Variants in ZNF875 observed in about 807,000 individuals in gnomAD.
ZNF875 encodes the protein HKR1, GLI-Kruppel zinc finger family member.
ZNF875 carries 14 observed loss-of-function variants against 11.2 expected under a neutral mutation model. The observed-to-expected ratio is 1.26, with a 90% CI of 0.83 to 1.96. ZNF875 has a LOEUF of 1.96. ZNF875 is among the 30% of genes most tolerant of loss of function. ZNF875 has a pLI of 0.00. For missense variants in ZNF875, 752 were observed against 760.4 expected (o/e 0.99, Z 0.13); for synonymous variants, 301 against 281.1 (o/e 1.07, Z -0.71).
intron 4 of ZNF875, among the ~76,000 whole-genome samples, chr19:37,326,395 G>A (rs1448938446): frequency 1.3e-5 from 2 of 152,048 alleles, no homozygotes; most frequent in Non-Finnish European, 2.9e-5. Context: ...CCTGTCTCTT[G>A]TAATCCTTTA....
chr19:37,362,266 T>A lies in ZNF875; in HGVS notation c.414T>A (p.Asp138Glu). Reference protein sequence around the residue: ...PLHLGKHYPEDQKQQQDPFCF... With the variant: ...PLHLGKHYPEEQKQQQDPFCF... The stretch of plus-strand genomic sequence containing the variant: ...ACCTGGGAAAACACTATCCAGAAGA[T>A]CAGAAACAACAGCAGGATCCATTCT... Residue 138 changes from aspartate to glutamate, a missense_variant, in exon 5 of 5, where the codon GAT (aspartate) becomes GAA (glutamate). Asp to Glu is a conservative substitution (Grantham distance 45). Coordinates refer to ENST00000392153, the MANE Select transcript of ZNF875 (RefSeq NM_001353803.2). The A allele has an allele frequency of 6.2e-7, 1 of 1,614,028 alleles. No homozygotes were observed. Among genetic ancestry groups the A allele is most frequent in the Admixed American group, 1.7e-5 (1 of 60,006 alleles).
chr19:37,327,061 G>A (rs1169053928), intron 4 of ZNF875, among the ~76,000 whole-genome samples: 7 of 150,906 alleles, frequency 4.6e-5, no homozygotes, highest in African/African-American at 1.2e-4. Context: ...GGCAGGTCTC[G>A]GATCCCTGCA....
At chr19:37,356,868 G>A (rs2039000605) in intron 4 of ZNF875, among the ~76,000 whole-genome samples, 1 of 152,068 alleles carries the variant, frequency 6.6e-6, no homozygotes, top group South Asian at 2.1e-4. Flanking sequence ...TGTTGCAATC[G>A]CTTTTGAGGA....
chr19:37,347,189 G>A lies in ZNF875; in HGVS notation c.34-1G>A. ...GAGCAGAGGTGTGTTTTGTGTTAAA[G>A]GCGTTCGTGGCATTCAGGGATGTGG... On this transcript the variant is annotated splice_acceptor_variant, in intron 2 of 4. Coordinates refer to ENST00000392153, the MANE Select transcript of ZNF875 (RefSeq NM_001353803.2). LOFTEE classifies it high-confidence loss of function. The A allele has an allele frequency of 6.2e-7, 1 of 1,614,032 alleles. No homozygotes were observed. The highest frequency in any genetic ancestry group is 8.5e-7 in the Non-Finnish European group (1 of 1,179,966).
intron 4 of ZNF875, among the ~76,000 whole-genome samples, chr19:37,354,053 CTCA>C (rs1319002144): frequency 1.3e-5 from 2 of 151,908 alleles, no homozygotes; most frequent in Non-Finnish European, 2.9e-5. Context: ...TTCATATTGT[CTCA>C]TAAGCTTCTG....
In ZNF875 at chr19:37,363,785, G is replaced by A. The variant is rs772598329; in HGVS notation, c.*10G>A. 1.2e-6 allele frequency: 2 copies of A among 1,607,218 alleles called. No homozygotes were observed. Among genetic ancestry groups the A allele is most frequent in the East Asian group, 2.2e-5 (1 of 44,836 alleles). ...GACACACTCAGGATAGAAACTTTAT[G>A]TGTATAGGGAATGTGGTACAGCCTT... On this transcript the variant is annotated 3_prime_UTR_variant, in exon 5 of 5. Coordinates refer to ENST00000392153, the MANE Select transcript of ZNF875 (RefSeq NM_001353803.2).
chr19:37,346,939 C>T, intron 2 of ZNF875: 1 of 380,612 alleles, frequency 2.6e-6, no homozygotes, highest in East Asian at 6.5e-5. Context: ...TCTCGGCTTA[C>T]CGCAAGTAAC....
intron 2 of ZNF875, among the ~76,000 whole-genome samples, chr19:37,342,505 C>T (rs1434792445): frequency 1.3e-5 from 2 of 151,780 alleles, no homozygotes; most frequent in East Asian, 3.9e-4. Context: ...CTCCACCTCC[C>T]AGGTTCAAGC....
intron 2 of ZNF875, among the ~76,000 whole-genome samples, chr19:37,343,800 A>G (rs2036245184): frequency 6.6e-6 from 1 of 152,158 alleles, no homozygotes; most frequent in African/African-American, 2.4e-5. Flanking sequence ...ACAGGGAGGC[A>G]TGATTCACTG....
At chr19:37,351,485 T>C (rs1030535824) in intron 4 of ZNF875, among the ~76,000 whole-genome samples, 1 of 150,280 alleles carries the variant, frequency 6.7e-6, no homozygotes, top group Non-Finnish European at 1.5e-5. Context: ...TAATTTCCTC[T>C]TCTTCTTACT....
At chr19:37,313,217 A>ACAACAG (rs2030037477), upstream of ZNF875, 1 of 144,828 alleles carries the variant, frequency 6.9e-6, no homozygotes, top group Non-Finnish European at 1.5e-5. Flanking sequence ...CCCCCGCGAA[A>ACAACAG]CAACAACAAC....
At position 37,363,513 on chromosome 19, in the gene ZNF875, G is replaced by T; in HGVS notation, c.1661G>T (p.Arg554Met). The change falls in exon 5 of 5, where the codon AGG becomes ATG. Residue 554 changes from arginine (R) to methionine (M), a missense_variant. Coordinates refer to ENST00000392153, the MANE Select transcript of ZNF875 (RefSeq NM_001353803.2). ...RQKPNLFRHKRAHSGAFVCRE... is the reference protein window; with the variant it reads ...RQKPNLFRHKMAHSGAFVCRE... Reference sequence around the variant, plus strand: ...AAGCCTAACCTGTTTAGGCACAAGAGGGCACACTCAGGTGCCTTTGTGTGC... The same window carrying T: ...AAGCCTAACCTGTTTAGGCACAAGATGGCACACTCAGGTGCCTTTGTGTGC... 1 of 1,613,100 alleles carries T rather than the reference G, an allele frequency of 6.2e-7. No individual in the cohort carries two copies. Among genetic ancestry groups the T allele is most frequent in the Non-Finnish European group, 8.5e-7 (1 of 1,179,372 alleles).
At chr19:37,357,673 T>G in intron 4 of ZNF875, among the ~76,000 whole-genome samples, 1 of 152,288 alleles carries the variant, frequency 6.6e-6, no homozygotes, top group East Asian at 1.9e-4. Flanking sequence ...TGCTATTGAT[T>G]TTTGTACATT....
upstream of ZNF875, among the ~76,000 whole-genome samples, chr19:37,333,064 TTTATCACTTGATCC>T (rs2145859866): frequency 6.6e-6 from 1 of 152,326 alleles, no homozygotes; most frequent in Non-Finnish European, 1.5e-5. Context: ...CCTTTCACTG[TTTATCACTTGATCC>T]TTATCACTTG....
intron 2 of ZNF875, among the ~76,000 whole-genome samples, chr19:37,336,624 C>T (rs1200784357): frequency 6.6e-6 from 1 of 151,456 alleles, no homozygotes; most frequent in Admixed American, 6.6e-5. Flanking sequence ...AAAAATCAAC[C>T]TTGGCCAGGC....
chr19:37,340,416 A>G (rs1001330855), intron 2 of ZNF875, among the ~76,000 whole-genome samples: 1 of 152,066 alleles, frequency 6.6e-6, no homozygotes, highest in African/African-American at 2.4e-5. Flanking sequence ...TTTGTTTCCA[A>G]ATGTTGACAT....
intron 2 of ZNF875, among the ~76,000 whole-genome samples, chr19:37,341,580 A>G (rs1182766388): frequency 1.3e-5 from 2 of 152,182 alleles, no homozygotes; most frequent in Non-Finnish European, 2.9e-5. Context: ...AAAGGAAGTC[A>G]CATGGCCAAG....
At chr19:37,339,606 G>T (rs1254204594) in intron 2 of ZNF875, among the ~76,000 whole-genome samples, 1 of 141,132 alleles carries the variant, frequency 7.1e-6, no homozygotes, top group African/African-American at 2.7e-5. Flanking sequence ...ACTGCATCAG[G>T]CTGGGATGCA....
upstream of ZNF875, among the ~76,000 whole-genome samples, chr19:37,331,554 T>C (rs1183040116): frequency 6.7e-6 from 1 of 149,768 alleles, no homozygotes; most frequent in African/African-American, 2.4e-5. Context: ...ACATGTGCTG[T>C]GTCAACTCAG....
Sources: allele counts gnomAD v4.1 joint callset (sites outside exome capture counted in the v4.1 genomes callset), GRCh38; gene constraint gnomAD v4.1.1; transcripts MANE v1.5; gene names NCBI Gene and HGNC (gene_info 2026-07-23, HGNC 2026-07-21).